OR1L8: variants seen among roughly 807,000 people sequenced by gnomAD.
The protein encoded by OR1L8 is olfactory receptor 1L8.
For synonymous variants in OR1L8, 148 were observed against 147.0 expected, an observed-to-expected ratio of 1.01 and a Z score of -0.05; for missense variants, 330 against 377.4, an observed-to-expected ratio of 0.87 and a Z score of 1.04.
chr9:122,547,655 G>GTC, the OR1L8 span, among the ~76,000 whole-genome samples: 1 of 148,958 alleles, frequency 6.7e-6, no homozygotes, highest in African/African-American at 2.5e-5. Flanking sequence ...GTGTGTGTGT[G>GTC]TGTACATACA....
At chr9:122,558,311 CTTTTTTTT>C in the OR1L8 span, among the ~76,000 whole-genome samples, 80 of 34,466 alleles carry the variant, frequency 2.3e-3, no homozygotes, top group African/African-American at 6.2e-3. Flanking sequence ...TTGGATTTTG[CTTTTTTTT>C]TTTTTTTTTT....
intron 1 of OR1L8, among the ~76,000 whole-genome samples, chr9:122,582,191 T>G (rs1280514258): frequency 1.3e-5 from 2 of 152,214 alleles, no homozygotes; most frequent in East Asian, 3.8e-4. Flanking sequence ...TTCTGAGAAG[T>G]GTTGCGTTTT....
At position 122,571,120 on chromosome 9, in the gene OR1L8, T is replaced by A. The variant is rs1040260035; in HGVS notation, c.-213+1660A>T. ...CCCTCTTGCCACACAAATACACAAC[T>A]GACAAACTTTCTTGTCCCATGTTCA... is the stretch of plus-strand genomic sequence containing the variant. On this transcript the variant is annotated intron_variant, in intron 4 of 4. Coordinates refer to ENST00000641027, the MANE Select transcript of OR1L8 (RefSeq NM_001004454.2). Among the ~76,000 whole-genome samples the A allele has an allele frequency of 1.3e-4, 20 of 152,332 alleles. 1 individual carries two copies. The highest frequency in any genetic ancestry group is 4.1e-4 in the South Asian group (2 of 4,830).
At chr9:122,578,730 T>A (rs2118747472) in intron 1 of OR1L8, among the ~76,000 whole-genome samples, 1 of 152,246 alleles carries the variant, frequency 6.6e-6, no homozygotes, top group African/African-American at 2.4e-5. Flanking sequence ...CATCGTATGT[T>A]CTCACTCATA....
At chr9:122,551,283 G>T in the OR1L8 span, among the ~76,000 whole-genome samples, 2 of 152,138 alleles carry the variant, frequency 1.3e-5, no homozygotes, top group East Asian at 3.9e-4. Context: ...ACCTAGGTGG[G>T]GATTCCACTC....
intron 4 of OR1L8, 88 bp downstream of exon 4, chr9:122,572,688 CTTAA>C (rs1174101022): frequency 6.6e-6 from 1 of 151,798 alleles, no homozygotes; most frequent in Non-Finnish European, 1.5e-5. Context: ...GTTATGACTT[CTTAA>C]TTCATGAAAT....
chr9:122,581,792 G>T (rs1829742039), intron 1 of OR1L8, among the ~76,000 whole-genome samples: 1 of 151,898 alleles, frequency 6.6e-6, no homozygotes, highest in South Asian at 2.1e-4. Context: ...ACTAAAACTA[G>T]AAAAATCAGC....
chr9:122,556,282 C>CTTT, the OR1L8 span, among the ~76,000 whole-genome samples: 482 of 144,402 alleles, frequency 3.3e-3, 2 homozygotes, highest in African/African-American at 0.011. Flanking sequence ...TGTCTAGATT[C>CTTT]TTTTTTTTTT....
downstream of OR1L8, among the ~76,000 whole-genome samples, chr9:122,565,296 T>C (rs1313355600): frequency 6.6e-6 from 1 of 152,160 alleles, no homozygotes; most frequent in Non-Finnish European, 1.5e-5. Context: ...TATGAAGATA[T>C]CTGTGTCCCA....
chr9:122,548,801 G>GTTT, the OR1L8 span, among the ~76,000 whole-genome samples: 2 of 51,554 alleles, frequency 3.9e-5, no homozygotes, highest in Non-Finnish European at 6.3e-5. Context: ...CTTCCTGTGT[G>GTTT]TTTTGTTGTT....
chr9:122,546,767 T>C, the OR1L8 span, among the ~76,000 whole-genome samples: 8 of 152,156 alleles, frequency 5.3e-5, no homozygotes, highest in Non-Finnish European at 5.9e-5. Context: ...AATGGAAGAA[T>C]AACGCAAAGC....
the OR1L8 span, among the ~76,000 whole-genome samples, chr9:122,561,496 GGCT>G: frequency 6.6e-6 from 1 of 152,136 alleles, no homozygotes; most frequent in African/African-American, 2.4e-5. Flanking sequence ...CCATCTTTGA[GGCT>G]GCTGACCCTT....
At chr9:122,579,989 T>G (rs771382730) in intron 1 of OR1L8, among the ~76,000 whole-genome samples, 2 of 152,144 alleles carry the variant, frequency 1.3e-5, no homozygotes, top group African/African-American at 2.4e-5. Context: ...TTGAAACTAT[T>G]GAATTCAAGA....
chr9:122,552,003 T>A, the OR1L8 span, among the ~76,000 whole-genome samples: 28,342 of 143,936 alleles, frequency 0.2, 3,131 homozygotes, highest in Middle Eastern at 0.24. Flanking sequence ...ATCCATAATC[T>A]GACAGGTGAG....
chr9:122,546,274 A>C, the OR1L8 span, among the ~76,000 whole-genome samples: 1 of 152,194 alleles, frequency 6.6e-6, no homozygotes, highest in Non-Finnish European at 1.5e-5. Context: ...TGGCAAATTA[A>C]AGACGACCAA....
At chr9:122,555,775 AAAGT>A in the OR1L8 span, among the ~76,000 whole-genome samples, 1 of 152,204 alleles carries the variant, frequency 6.6e-6, no homozygotes, top group African/African-American at 2.4e-5. Context: ...AATTGAGCAG[AAAGT>A]TCCCATATAC....
intron 1 of OR1L8, among the ~76,000 whole-genome samples, chr9:122,579,552 A>G (rs1564204274): frequency 6.6e-6 from 1 of 152,208 alleles, no homozygotes. Context: ...TACAAAGGGT[A>G]TAAGTGAGGG....
At chr9:122,550,205 C>T in the OR1L8 span, among the ~76,000 whole-genome samples, 1 of 152,026 alleles carries the variant, frequency 6.6e-6, no homozygotes, top group African/African-American at 2.4e-5. Context: ...GTGCCAGGAA[C>T]AAGTAGAAAT....
intron 3 of OR1L8, among the ~76,000 whole-genome samples, chr9:122,576,214 CTT>C (rs1253316708): frequency 6.6e-6 from 1 of 150,768 alleles, no homozygotes; most frequent in Non-Finnish European, 1.5e-5. Context: ...GTAACATTTT[CTT>C]TTTTACATTT....
Sources: allele counts gnomAD v4.1 joint callset (sites outside exome capture counted in the v4.1 genomes callset), GRCh38; gene constraint gnomAD v4.1.1; transcripts MANE v1.5; gene names NCBI Gene and HGNC (gene_info 2026-07-23, HGNC 2026-07-21).